Variants in MYO16 observed in about 807,000 individuals in gnomAD.
MYO16 encodes the protein unconventional myosin-XVI.
A neutral mutation model predicts 205.3 loss-of-function variants in MYO16; 94 were observed. That is an observed-to-expected ratio of 0.46 (90% CI 0.39 to 0.54). MYO16 has a LOEUF of 0.54. Among genes scored for constraint, MYO16 ranks in the 20% least tolerant of loss-of-function variants. The pLI is 0.00. For synonymous variants in MYO16, 988 were observed against 954.0 expected (o/e 1.04, Z -0.66); for missense variants, 2,315 against 2,387.5 (o/e 0.97, Z 0.63).
the MYO16 span, among the ~76,000 whole-genome samples, chr13:108,567,907 T>C: frequency 1.3e-5 from 2 of 152,166 alleles, no homozygotes; most frequent in Non-Finnish European, 2.9e-5. Context: ...TTTTTCGGTC[T>C]CTTTAGATTT....
At chr13:109,118,381 T>G (rs1191856525) in intron 28 of MYO16, among the ~76,000 whole-genome samples, 1 of 152,168 alleles carries the variant, frequency 6.6e-6, no homozygotes, top group Admixed American at 6.5e-5. Context: ...CTGTAAGAGA[T>G]CATACTCATT....
chr13:109,173,787 T>C (rs1020846714), intron 33 of MYO16, among the ~76,000 whole-genome samples: 4 of 141,954 alleles, frequency 2.8e-5, no homozygotes, highest in Non-Finnish European at 4.5e-5. Flanking sequence ...CCCAGCTACT[T>C]GGGAGGCTGA....
intron 4 of MYO16, among the ~76,000 whole-genome samples, chr13:108,774,642 T>G (rs573823078): frequency 3.3e-5 from 5 of 152,196 alleles, no homozygotes; most frequent in South Asian, 2.1e-4. Context: ...CTGCATAAGG[T>G]TTTTCTAAAT....
chr13:108,564,005 G>A, the MYO16 span, among the ~76,000 whole-genome samples: 1 of 152,050 alleles, frequency 6.6e-6, no homozygotes, highest in Non-Finnish European at 1.5e-5. Flanking sequence ...GCCAGCATTT[G>A]TTATTACCTG....
At chr13:108,835,964 T>C (rs1671369363) in intron 9 of MYO16, among the ~76,000 whole-genome samples, 1 of 152,180 alleles carries the variant, frequency 6.6e-6, no homozygotes, top group Non-Finnish European at 1.5e-5. Context: ...TCAAGCCTCC[T>C]GCAGAAATTT....
intron 20 of MYO16, among the ~76,000 whole-genome samples, chr13:108,969,232 A>G (rs921178564): frequency 6.6e-6 from 1 of 152,252 alleles, no homozygotes; most frequent in Non-Finnish European, 1.5e-5. Flanking sequence ...ACATTTAGCA[A>G]TGAAAATATA....
intron 33 of MYO16, among the ~76,000 whole-genome samples, chr13:109,165,547 C>A (rs563069264): frequency 1.2e-3 from 187 of 152,256 alleles, no homozygotes; most frequent in African/African-American, 4.4e-3. Flanking sequence ...TAAAAGAAGA[C>A]AAAGGCGTCT....
intron 32 of MYO16, among the ~76,000 whole-genome samples, chr13:109,156,946 C>T (rs769885055): frequency 3.3e-5 from 5 of 152,190 alleles, no homozygotes; most frequent in Non-Finnish European, 5.9e-5. Context: ...AAATTCTCTT[C>T]TTCAAAAAAT....
chr13:108,763,717 C>T (rs1032844050), intron 4 of MYO16, among the ~76,000 whole-genome samples: 2 of 151,662 alleles, frequency 1.3e-5, no homozygotes, highest in Non-Finnish European at 2.9e-5. Context: ...GTCAGGGTCC[C>T]TAGAAGACAT....
chr13:108,552,371 A>T, the MYO16 span, among the ~76,000 whole-genome samples: 1 of 151,940 alleles, frequency 6.6e-6, no homozygotes, highest in Non-Finnish European at 1.5e-5. Context: ...GTCTATAAAC[A>T]TTTCTCTTTT....
At chr13:109,086,879 T>A (rs1176489247) in intron 27 of MYO16, among the ~76,000 whole-genome samples, 1 of 152,226 alleles carries the variant, frequency 6.6e-6, no homozygotes, top group Non-Finnish European at 1.5e-5. Flanking sequence ...ATCATTCTGA[T>A]ATGTTCTGAA....
At chr13:108,960,676 G>C (rs1475992090) in intron 17 of MYO16, among the ~76,000 whole-genome samples, 3 of 152,226 alleles carry the variant, frequency 2.0e-5, no homozygotes, top group Non-Finnish European at 2.9e-5. Context: ...ACTGAGAACA[G>C]AACAGGCTAT....
At chr13:108,665,028 T>C (rs2139431286) in intron 1 of MYO16, among the ~76,000 whole-genome samples, 1 of 152,272 alleles carries the variant, frequency 6.6e-6, no homozygotes, top group South Asian at 2.1e-4. Context: ...TCACTGATGA[T>C]GAGAAAAAGA....
chr13:108,558,175 C>T, the MYO16 span, among the ~76,000 whole-genome samples: 1 of 152,312 alleles, frequency 6.6e-6, no homozygotes, highest in African/African-American at 2.4e-5. Flanking sequence ...GGTGCCAGAG[C>T]TTCAGACACA....
chr13:108,775,954 A>T (rs1886111385), intron 4 of MYO16, among the ~76,000 whole-genome samples: 2 of 152,172 alleles, frequency 1.3e-5, no homozygotes, highest in African/African-American at 4.8e-5. Context: ...CAGTGCAAAA[A>T]TGGGTTTGAA....
At chr13:108,937,333 C>T (rs1479203858) in intron 16 of MYO16, among the ~76,000 whole-genome samples, 1 of 151,862 alleles carries the variant, frequency 6.6e-6, no homozygotes, top group Admixed American at 6.6e-5. Context: ...AGTCTGGTAA[C>T]TATATACCTC....
chr13:108,567,521 C>T, the MYO16 span, among the ~76,000 whole-genome samples: 5 of 152,168 alleles, frequency 3.3e-5, no homozygotes, highest in Admixed American at 1.3e-4. Flanking sequence ...AGATACATTG[C>T]GATTACCTGA....
chr13:109,175,070 A>G (rs1404253403), intron 33 of MYO16, among the ~76,000 whole-genome samples: 1 of 152,022 alleles, frequency 6.6e-6, no homozygotes, highest in Non-Finnish European at 1.5e-5. Flanking sequence ...TCTTTTTATA[A>G]GAATTTACAT....
At chr13:108,579,537 T>A in the MYO16 span, among the ~76,000 whole-genome samples, 15 of 148,790 alleles carry the variant, frequency 1.0e-4, no homozygotes, top group South Asian at 3.0e-3. Context: ...GCCTTCCGGG[T>A]TCAAGCAATT....
Sources: allele counts gnomAD v4.1 joint callset (sites outside exome capture counted in the v4.1 genomes callset), GRCh38; gene constraint gnomAD v4.1.1; transcripts MANE v1.5; gene names NCBI Gene and HGNC (gene_info 2026-07-23, HGNC 2026-07-21).